Variants in GPBP1 observed in about 807,000 individuals in gnomAD.
GPBP1 encodes vasculin.
In GPBP1, 13 loss-of-function variants were observed where a neutral mutation model predicts 56.5. The observed-to-expected ratio is 0.23, with a 90% CI of 0.15 to 0.37. The LOEUF (loss-of-function observed/expected upper bound fraction) is 0.37. GPBP1 is among the 10% of genes least tolerant of loss of function. GPBP1 has a pLI of 1.00. For missense variants in GPBP1, 477 were observed against 572.3 expected (o/e 0.83, Z 1.70); for synonymous variants, 204 against 188.9 (o/e 1.08, Z -0.66).
At chr5:57,230,769 G>T in intron 3 of GPBP1, 77 bp from the exon 4 acceptor site, 1 of 1,282,016 alleles carries the variant, frequency 7.8e-7, no homozygotes, top group East Asian at 2.4e-5. Flanking sequence ...TTGGAAATAA[G>T]TGAAGTTGGA....
intron 3 of GPBP1, among the ~76,000 whole-genome samples, chr5:57,215,269 T>G (rs1755653872): frequency 6.6e-6 from 1 of 152,220 alleles, no homozygotes; most frequent in Non-Finnish European, 1.5e-5. Flanking sequence ...CTGTACTCAT[T>G]TTAAATATTG....
intron 2 of GPBP1, among the ~76,000 whole-genome samples, chr5:57,188,853 G>A (rs1007554069): frequency 6.6e-6 from 1 of 152,064 alleles, no homozygotes; most frequent in Non-Finnish European, 1.5e-5. Flanking sequence ...GCTAAAACAC[G>A]TGGGAATCAT....
intron 2 of GPBP1, among the ~76,000 whole-genome samples, chr5:57,185,241 A>G (rs1175661980): frequency 6.7e-6 from 1 of 148,988 alleles, no homozygotes; most frequent in Admixed American, 6.7e-5. Flanking sequence ...GTTTTTGGCA[A>G]CCATCTTTGG....
At chr5:57,179,763 G>C (rs757265135) in intron 2 of GPBP1, among the ~76,000 whole-genome samples, 1 of 152,006 alleles carries the variant, frequency 6.6e-6, no homozygotes, top group Non-Finnish European at 1.5e-5. Flanking sequence ...ACCAGGCCTG[G>C]CTAATATTGT....
At chr5:57,229,211 A>G (rs1756328967) in intron 3 of GPBP1, among the ~76,000 whole-genome samples, 1 of 134,932 alleles carries the variant, frequency 7.4e-6, no homozygotes, top group Non-Finnish European at 1.6e-5. Flanking sequence ...AGCCTGGGCG[A>G]CAGAACAAGA....
At chr5:57,231,864 G>T (rs375282297) in intron 5 of GPBP1, among the ~76,000 whole-genome samples, 1 of 152,164 alleles carries the variant, frequency 6.6e-6, no homozygotes, top group African/African-American at 2.4e-5. Context: ...GTAATATTTT[G>T]TAGTGAATTT....
intron 6 of GPBP1, among the ~76,000 whole-genome samples, chr5:57,243,918 G>A (rs1740956744): frequency 1.3e-5 from 2 of 151,788 alleles, no homozygotes; most frequent in African/African-American, 4.8e-5. Flanking sequence ...TGGACTCCTG[G>A]ACTCAAGCGG....
chr5:57,208,358 C>T (rs1755326057), intron 2 of GPBP1, among the ~76,000 whole-genome samples: 1 of 151,960 alleles, frequency 6.6e-6, no homozygotes, highest in African/African-American at 2.4e-5. Flanking sequence ...CTCAGTGTCC[C>T]AAGTAGCTGG....
intron 8 of GPBP1, chr5:57,248,913 C>T (rs1329452249): frequency 2.6e-5 from 4 of 152,282 alleles, no homozygotes; most frequent in Non-Finnish European, 5.9e-5. Context: ...TTTTGTGTTC[C>T]ACTGTCAAAA....
chr5:57,236,099 GTT>G (rs1417217439), intron 6 of GPBP1, 67 bp downstream of exon 6: 31 of 1,085,108 alleles, frequency 2.9e-5, no homozygotes, highest in Non-Finnish European at 4.0e-5. Context: ...CACTTTTTGT[GTT>G]TTTTAAAATA....
intron 2 of GPBP1, among the ~76,000 whole-genome samples, chr5:57,180,735 A>G (rs1250176413): frequency 6.6e-6 from 1 of 152,028 alleles, no homozygotes; most frequent in African/African-American, 2.4e-5. Flanking sequence ...ACAGATGTAA[A>G]GATTTTTTTG....
chr5:57,257,689 A>G (rs549548778), intron 10 of GPBP1, among the ~76,000 whole-genome samples: 2 of 152,262 alleles, frequency 1.3e-5, no homozygotes, highest in African/African-American at 4.8e-5. Flanking sequence ...TCCTAGCCTC[A>G]AGTAATCCTC....
chr5:57,223,138 T>C (rs1756024684), intron 3 of GPBP1, among the ~76,000 whole-genome samples: 1 of 152,160 alleles, frequency 6.6e-6, no homozygotes, highest in Non-Finnish European at 1.5e-5. Context: ...AAAAATGTCC[T>C]TAATTTTTTT....
chr5:57,246,081 A>G (rs931719177), intron 6 of GPBP1: 2 of 413,284 alleles, frequency 4.8e-6, no homozygotes, highest in Admixed American at 3.9e-5. Flanking sequence ...GTATTACTTG[A>G]CATTGCCCAA....
chr5:57,261,253 A>G lies in GPBP1; in HGVS notation c.1234A>G (p.Met412Val). Reference sequence around the variant, plus strand: ...ATGTGCTCCCTTAACTGAGGATGAAATGAGAGAATTCCAAGTTATTAGTGA... The same window carrying G: ...ATGTGCTCCCTTAACTGAGGATGAAGTGAGAGAATTCCAAGTTATTAGTGA... The part of the protein sequence containing the change: ...ETCAPLTEDE[M>V]REFQVISEQL... The change falls in exon 11 of 12, where the codon ATG becomes GTG. Residue 412 changes from methionine (M) to valine (V), a missense_variant. Met to Val is a conservative substitution (Grantham distance 21). Coordinates refer to ENST00000506184, the MANE Select transcript of GPBP1 (RefSeq NM_022913.4). The G allele has an allele frequency of 6.2e-7, 1 of 1,610,978 alleles. No individual in the cohort carries two copies. The highest frequency in any genetic ancestry group is 8.5e-7 in the Non-Finnish European group (1 of 1,177,204).
At chr5:57,186,035 A>G (rs964099793) in intron 2 of GPBP1, among the ~76,000 whole-genome samples, 1 of 152,134 alleles carries the variant, frequency 6.6e-6, no homozygotes, top group Non-Finnish European at 1.5e-5. Context: ...TGTTTTGCAA[A>G]TAATTTCTCT....
intron 10 of GPBP1, among the ~76,000 whole-genome samples, chr5:57,252,305 C>T (rs866542309): frequency 1.9e-4 from 29 of 151,948 alleles, no homozygotes; most frequent in Middle Eastern, 3.4e-3. Context: ...TCATTTTTTT[C>T]CTTGTATGGT....
At chr5:57,249,013 C>G (rs1385247264) in intron 8 of GPBP1, 1 of 154,076 alleles carries the variant, frequency 6.5e-6, no homozygotes, top group Non-Finnish European at 1.4e-5. Context: ...CTCTTATAAA[C>G]CCTATGTATG....
intron 10 of GPBP1, among the ~76,000 whole-genome samples, chr5:57,254,714 A>G (rs1189428368): frequency 6.6e-6 from 1 of 151,820 alleles, no homozygotes; most frequent in Non-Finnish European, 1.5e-5. Context: ...AAAAAAGAGT[A>G]AGTTTTGTAT....
Sources: gnomAD v4.1 joint callset for allele counts (sites outside exome capture counted in the v4.1 genomes callset) on GRCh38, gnomAD v4.1.1 for gene constraint, MANE v1.5 for transcripts, NCBI Gene and HGNC (gene_info 2026-07-23, HGNC 2026-07-21) for gene names.